The following NAALADL2 variants were observed in gnomAD, a reference collection of about 807,000 sequenced individuals.
The protein encoded by NAALADL2 is inactive N-acetylated-alpha-linked acidic dipeptidase-like protein 2.
In NAALADL2, 76 loss-of-function variants were observed where a neutral mutation model predicts 87.2. The ratio of observed to expected loss-of-function variants is 0.87; its 90% CI spans 0.72 to 1.05. The LOEUF is 1.05. NAALADL2 is among the 50% of genes least tolerant of loss of function. NAALADL2 has a pLI of 0.00. For missense variants in NAALADL2, 1,089 were observed against 945.8 expected, an observed-to-expected ratio of 1.15 and a Z score of -1.99; for synonymous variants, 354 against 331.0, an observed-to-expected ratio of 1.07 and a Z score of -0.75.
chr3:175,382,825 G>T (rs73186703), intron 5 of NAALADL2, among the ~76,000 whole-genome samples: 14,639 of 151,658 alleles, frequency 0.097, 816 homozygotes, highest in African/African-American at 0.13. Flanking sequence ...GGGGGAACTC[G>T]AAGAAGATAT....
intron 1 of NAALADL2, among the ~76,000 whole-genome samples, chr3:175,071,613 A>G (rs1483978376): frequency 6.6e-6 from 1 of 151,986 alleles, no homozygotes; most frequent in African/African-American, 2.4e-5. Context: ...AGTGTGTGAG[A>G]TTGTGTACCG....
chr3:174,694,487 G>A (rs1016732564), intron 2 of NAALADL2, among the ~76,000 whole-genome samples: 5 of 151,976 alleles, frequency 3.3e-5, no homozygotes, highest in African/African-American at 1.2e-4. Context: ...CCTAATACCT[G>A]GAACAATTTC....
intron 1 of NAALADL2, among the ~76,000 whole-genome samples, chr3:174,945,924 C>T (rs1001663002): frequency 4.0e-5 from 6 of 151,260 alleles, no homozygotes; most frequent in Non-Finnish European, 5.9e-5. Context: ...CATGCACCTG[C>T]GGTCCCAGCT....
chr3:175,663,483 C>T (rs888203002), intron 11 of NAALADL2, among the ~76,000 whole-genome samples: 2 of 151,552 alleles, frequency 1.3e-5, no homozygotes, highest in African/African-American at 4.8e-5. Flanking sequence ...GATTTTATTT[C>T]ATTTTTTTCA....
At chr3:174,758,445 T>A (rs1192526579) in intron 3 of NAALADL2, among the ~76,000 whole-genome samples, 1 of 152,190 alleles carries the variant, frequency 6.6e-6, no homozygotes, top group African/African-American at 2.4e-5. Context: ...TAAATGTCAT[T>A]GTACCCTTGG....
chr3:175,540,985 A>C (rs1455321587), intron 9 of NAALADL2, among the ~76,000 whole-genome samples: 1 of 152,216 alleles, frequency 6.6e-6, no homozygotes, highest in East Asian at 1.9e-4. Context: ...ATGATTTAGT[A>C]TAAATGCCAT....
chr3:174,744,444 A>G (rs1426488905), intron 3 of NAALADL2, among the ~76,000 whole-genome samples: 1 of 152,102 alleles, frequency 6.6e-6, no homozygotes, highest in Non-Finnish European at 1.5e-5. Context: ...GCCCAGATTT[A>G]TAAAACAAGT....
intron 4 of NAALADL2, among the ~76,000 whole-genome samples, chr3:175,258,956 G>C (rs983678454): frequency 6.6e-6 from 1 of 152,158 alleles, no homozygotes; most frequent in Non-Finnish European, 1.5e-5. Context: ...GAGCCAGTGT[G>C]GTCTGCCTTC....
In NAALADL2 at chr3:175,803,457, G is replaced by T. The variant is rs35999837; in HGVS notation, c.*254G>T. ...GGACTTAAGAATTACCTATTAAAAA[G>T]AAATCTGATATATAAAAATATGTAC... is the stretch of plus-strand genomic sequence containing the variant. On this transcript the variant is annotated 3_prime_UTR_variant, in exon 14 of 14. Coordinates refer to ENST00000454872, the MANE Select transcript of NAALADL2 (RefSeq NM_207015.3). The T allele has an allele frequency of 0.12, 31,769 of 254,484 alleles. 2,934 individuals are homozygous for T. Among genetic ancestry groups the T allele is most frequent in the African/African-American group, 0.28 (12,452 of 44,698 alleles). The allele number at this position is 254,484 out of a possible 1,614,324, so 15.8% of individuals were successfully genotyped here.
chr3:174,820,586 A>G (rs927264792), intron 3 of NAALADL2, among the ~76,000 whole-genome samples: 3 of 152,138 alleles, frequency 2.0e-5, no homozygotes, highest in Non-Finnish European at 4.4e-5. Flanking sequence ...ATTTGCAACA[A>G]TGAGTTGTGA....
intron 3 of NAALADL2, among the ~76,000 whole-genome samples, chr3:174,777,735 T>C (rs975945111): frequency 6.6e-6 from 1 of 152,072 alleles, no homozygotes; most frequent in Non-Finnish European, 1.5e-5. Context: ...CCAACAGATA[T>C]CTCAATTCTG....
chr3:175,445,005 C>T (rs1409545485), intron 5 of NAALADL2, among the ~76,000 whole-genome samples: 6 of 152,156 alleles, frequency 3.9e-5, no homozygotes, highest in Admixed American at 3.9e-4. Context: ...ATACCAGTAT[C>T]ATCAAGCTCT....
chr3:174,791,878 C>A (rs1207377569), intron 3 of NAALADL2, among the ~76,000 whole-genome samples: 1 of 152,030 alleles, frequency 6.6e-6, no homozygotes, highest in Non-Finnish European at 1.5e-5. Context: ...TAGTACCTGG[C>A]ACAGAGGAAG....
rs140786468 is a variant in NAALADL2 at position 174,970,480 on chromosome 3, T to G, written c.43+111030T>G. Among the ~76,000 whole-genome samples the G allele has an allele frequency of 7.4e-4, 112 of 152,292 alleles. 4 individuals are homozygous for G. In the East Asian group the frequency reaches 0.021, roughly 28 times the overall value. ...CTGGTCCAAGATGATCAACTTCTCA[T>G]TAATTATAATAATTAGAAGTAGATT... On this transcript the variant is annotated intron_variant, in intron 1 of 13. Coordinates refer to ENST00000454872, the MANE Select transcript of NAALADL2 (RefSeq NM_207015.3).
chr3:174,716,898 G>A (rs973132032), intron 2 of NAALADL2, among the ~76,000 whole-genome samples: 3 of 151,928 alleles, frequency 2.0e-5, no homozygotes, highest in African/African-American at 7.3e-5. Context: ...TCTGAATTGT[G>A]GAAGAAAAAA....
At chr3:175,776,751 G>A (rs1306143529) in intron 13 of NAALADL2, among the ~76,000 whole-genome samples, 2 of 152,086 alleles carry the variant, frequency 1.3e-5, no homozygotes, top group African/African-American at 4.8e-5. Context: ...AAAAGGGGCA[G>A]ACATTTAACA....
At chr3:174,753,868 C>G (rs1264945309) in intron 3 of NAALADL2, among the ~76,000 whole-genome samples, 1 of 152,112 alleles carries the variant, frequency 6.6e-6, no homozygotes, top group East Asian at 1.9e-4. Flanking sequence ...AGGGTGGGGC[C>G]CTCATAATGG....
chr3:174,616,696 T>G (rs1214068171), intron 2 of NAALADL2, among the ~76,000 whole-genome samples: 1 of 152,010 alleles, frequency 6.6e-6, no homozygotes, highest in East Asian at 1.9e-4. Flanking sequence ...TAAAAAAACT[T>G]GATACTAGTA....
At chr3:174,596,160 A>G (rs531270902) in intron 2 of NAALADL2, among the ~76,000 whole-genome samples, 1 of 152,314 alleles carries the variant, frequency 6.6e-6, no homozygotes, top group South Asian at 2.1e-4. Context: ...GAATTCTGGA[A>G]AGAGTAGCTT....
Sources: gnomAD v4.1 joint callset for allele counts (sites outside exome capture counted in the v4.1 genomes callset) on GRCh38, gnomAD v4.1.1 for gene constraint, MANE v1.5 for transcripts, NCBI Gene and HGNC (gene_info 2026-07-23, HGNC 2026-07-21) for gene names.